Variants in RBFOX1 observed in about 807,000 individuals in gnomAD.
RBFOX1 encodes the protein RNA binding fox-1 homolog 1, also known as RNA binding protein fox-1 homolog 1.
Under a neutral mutation model 57.7 loss-of-function variants are expected in RBFOX1, and 8 were observed. The ratio of observed to expected loss-of-function variants is 0.14; its 90% CI spans 0.08 to 0.25. RBFOX1 has a LOEUF of 0.25. Ranked by LOEUF, RBFOX1 falls within the 10% of genes least tolerant of loss-of-function variation. The pLI is 1.00. For missense variants in RBFOX1, 611 were observed against 548.5 expected, an observed-to-expected ratio of 1.11 and a Z score of -1.14; for synonymous variants, 326 against 222.4, an observed-to-expected ratio of 1.47 and a Z score of -4.15.
chr16:6,260,394 T>A, intron 1 of RBFOX1, among the ~76,000 whole-genome samples: 1 of 152,044 alleles, frequency 6.6e-6, no homozygotes, highest in African/African-American at 2.4e-5. Flanking sequence ...GACCCCAAAA[T>A]GTTGCAGCCA....
chr16:7,296,259 CTTTT>C (rs33997825), intron 4 of RBFOX1, among the ~76,000 whole-genome samples: 9 of 119,762 alleles, frequency 7.5e-5, no homozygotes, highest in Non-Finnish European at 1.1e-4. Flanking sequence ...TTATGTCCTC[CTTTT>C]TTTTTTTTTT....
intron 3 of RBFOX1, among the ~76,000 whole-genome samples, chr16:6,751,127 G>C (rs1255143869): frequency 6.6e-6 from 1 of 152,160 alleles, no homozygotes; most frequent in African/African-American, 2.4e-5. Context: ...AGCAGATAAA[G>C]GCCAGGTCCT....
chr16:5,421,591 G>A (rs73522531), intron 1 of RBFOX1, among the ~76,000 whole-genome samples: 1 of 152,156 alleles, frequency 6.6e-6, no homozygotes, highest in Admixed American at 6.5e-5. Context: ...GGCCCAGGGA[G>A]CCCAAGAAGA....
chr16:7,600,234 A>G (rs1329514351), intron 9 of RBFOX1, among the ~76,000 whole-genome samples: 1 of 152,204 alleles, frequency 6.6e-6, no homozygotes, highest in Non-Finnish European at 1.5e-5. Flanking sequence ...CATACTGTGT[A>G]TGGCACCTAA....
chr16:5,508,030 G>A (rs72761051), intron 2 of RBFOX1, among the ~76,000 whole-genome samples: 1 of 151,124 alleles, frequency 6.6e-6, no homozygotes, highest in Non-Finnish European at 1.5e-5. Flanking sequence ...ATCAGGAGTG[G>A]GGAAAAATGT....
intron 2 of RBFOX1, among the ~76,000 whole-genome samples, chr16:6,392,634 T>G (rs2092655928): frequency 6.6e-6 from 1 of 152,224 alleles, no homozygotes; most frequent in African/African-American, 2.4e-5. Context: ...AACCTTTTCC[T>G]GGGACTAATA....
At position 7,629,740 on chromosome 16, in the gene RBFOX1, C is replaced by A. The variant is rs115288142; in HGVS notation, c.677-863C>A. On this transcript the variant is annotated intron_variant, in intron 10 of 15. Coordinates refer to ENST00000550418, the MANE Select transcript of RBFOX1 (RefSeq NM_018723.4). ...ATCTCAGGATTCCACCATTATTTGC[C>A]GCTGTAAAATTCCACCTTGCAAGGA... 6.2e-3 allele frequency among the ~76,000 whole-genome samples: 944 copies of A among 152,246 alleles called. 9 individuals carry two copies. Among genetic ancestry groups the A allele is most frequent in the African/African-American group, 0.021 (855 of 41,540 alleles).
At chr16:6,318,761 TA>T (rs1220897075) in intron 2 of RBFOX1, among the ~76,000 whole-genome samples, 2 of 152,200 alleles carry the variant, frequency 1.3e-5, no homozygotes, top group Admixed American at 6.6e-5. Context: ...AGAGAGACAT[TA>T]AAAAAAGTAT....
intron 1 of RBFOX1, among the ~76,000 whole-genome samples, chr16:5,450,907 C>T (rs1437374307): frequency 6.6e-6 from 1 of 152,176 alleles, no homozygotes; most frequent in Non-Finnish European, 1.5e-5. Context: ...GCTCTGTGAC[C>T]TGGGCAAGCT....
At chr16:5,841,244 G>C (rs1041862087) in intron 3 of RBFOX1, among the ~76,000 whole-genome samples, 1 of 152,172 alleles carries the variant, frequency 6.6e-6, no homozygotes, top group Non-Finnish European at 1.5e-5. Context: ...GCATGAGGAG[G>C]TGAATAAACT....
At chr16:6,897,906 T>G (rs2067357114) in intron 3 of RBFOX1, among the ~76,000 whole-genome samples, 1 of 152,184 alleles carries the variant, frequency 6.6e-6, no homozygotes, top group African/African-American at 2.4e-5. Context: ...TGGAGCTCTT[T>G]CTGTGTCTCA....
chr16:6,469,398 C>A (rs2095123375), intron 2 of RBFOX1, among the ~76,000 whole-genome samples: 1 of 152,100 alleles, frequency 6.6e-6, no homozygotes, highest in African/African-American at 2.4e-5. Context: ...TTAAGAGACC[C>A]ACATAGACAA....
intron 4 of RBFOX1, among the ~76,000 whole-genome samples, chr16:7,460,389 A>ATATATATATATATATATATATGTGTGTG: frequency 1.2e-3 from 108 of 87,142 alleles, no homozygotes; most frequent in Middle Eastern, 5.4e-3. Flanking sequence ...ATATATATAT[A>ATATATATATATATATATATATGTGTGTG]TGTGTGTGTG....
intron 3 of RBFOX1, among the ~76,000 whole-genome samples, chr16:5,800,442 C>G (rs1047564692): frequency 2.0e-5 from 3 of 152,144 alleles, no homozygotes; most frequent in Admixed American, 6.5e-5. Context: ...TGAACAGGCT[C>G]TGCACCCCCA....
chr16:6,813,061 C>A (rs12924310), intron 3 of RBFOX1, among the ~76,000 whole-genome samples: 2 of 151,552 alleles, frequency 1.3e-5, no homozygotes, highest in African/African-American at 4.9e-5. Context: ...TCAAACAATG[C>A]TGATGTATAT....
chr16:7,002,572 C>T (rs542946541), intron 3 of RBFOX1, among the ~76,000 whole-genome samples: 3 of 152,018 alleles, frequency 2.0e-5, no homozygotes, highest in East Asian at 1.9e-4. Context: ...ATTTGCTGGG[C>T]GTGGTGGCAT....
intron 1 of RBFOX1, among the ~76,000 whole-genome samples, chr16:6,137,557 C>T (rs528778634): frequency 8.6e-5 from 13 of 151,278 alleles, no homozygotes; most frequent in Non-Finnish European, 1.5e-4. Flanking sequence ...CCGCCCACCT[C>T]GGCCTCCCAA....
chr16:7,360,418 T>C (rs551526973), intron 4 of RBFOX1, among the ~76,000 whole-genome samples: 1 of 152,302 alleles, frequency 6.6e-6, no homozygotes, highest in Non-Finnish European at 1.5e-5. Flanking sequence ...GTATGTATGA[T>C]GTGGGTGTGC....
chr16:6,073,369 G>A lies in RBFOX1; in HGVS notation c.-127+53377G>A, dbSNP rs140762663. 2.5e-3 allele frequency among the ~76,000 whole-genome samples: 385 copies of A among 152,246 alleles called. 1 individual carries two copies. Among genetic ancestry groups the A allele is most frequent in the African/African-American group, 8.4e-3 (350 of 41,548 alleles). ...CTCTTGTATCTGGGATGGGTCATGGGCCCCAGAGACACTGTAGGTACTTCT... is the reference window on the plus strand; with the variant it reads ...CTCTTGTATCTGGGATGGGTCATGGACCCCAGAGACACTGTAGGTACTTCT... On this transcript the variant is annotated intron_variant, in intron 1 of 15. Transcript: ENST00000550418.
Sources: allele counts gnomAD v4.1 joint callset (sites outside exome capture counted in the v4.1 genomes callset), GRCh38; gene constraint gnomAD v4.1.1; transcripts MANE v1.5; gene names NCBI Gene and HGNC (gene_info 2026-07-23, HGNC 2026-07-21).